Variants in SMAP1 observed in about 807,000 individuals in gnomAD.
SMAP1 encodes small ArfGAP 1.
In SMAP1, 24 loss-of-function variants were observed where a neutral mutation model predicts 58.5. The ratio of observed to expected loss-of-function variants is 0.41; its 90% CI spans 0.30 to 0.58. The LOEUF (loss-of-function observed/expected upper bound fraction) is 0.58, where lower values mean the gene tolerates loss of function less well. Ranked by LOEUF, SMAP1 falls within the 20% of genes least tolerant of loss-of-function variation. The pLI is 0.29. For missense variants in SMAP1, 563 were observed against 566.3 expected (o/e 0.99, Z 0.06); for synonymous variants, 216 against 196.6 (o/e 1.10, Z -0.82).
chr6:70,680,102 T>TCAACAACAACAACAACAACAACAACAA (rs140699249), intron 1 of SMAP1, among the ~76,000 whole-genome samples: 1 of 150,352 alleles, frequency 6.7e-6, no homozygotes, highest in African/African-American at 2.5e-5. Flanking sequence ...GATAGTCTTT[T>TCAACAACAACAACAACAACAACAACAA]CAACAACAAC....
intron 6 of SMAP1, among the ~76,000 whole-genome samples, chr6:70,800,329 C>T (rs371575155): frequency 8.5e-5 from 13 of 152,064 alleles, no homozygotes; most frequent in African/African-American, 3.1e-4. Flanking sequence ...AAACAAAAAT[C>T]TTCCTTTTCA....
chr6:70,690,187 A>G (rs1767099771), intron 1 of SMAP1, among the ~76,000 whole-genome samples: 1 of 152,222 alleles, frequency 6.6e-6, no homozygotes, highest in Admixed American at 6.5e-5. Context: ...GATACCTTTT[A>G]TCAAGTTGAG....
intron 8 of SMAP1, among the ~76,000 whole-genome samples, chr6:70,853,537 A>G (rs1034490026): frequency 2.6e-5 from 4 of 152,238 alleles, no homozygotes; most frequent in Non-Finnish European, 5.9e-5. Flanking sequence ...TTATAAGGCT[A>G]GGAACATATT....
intron 5 of SMAP1, among the ~76,000 whole-genome samples, chr6:70,797,904 T>C (rs901396441): frequency 6.6e-6 from 1 of 152,152 alleles, no homozygotes; most frequent in Non-Finnish European, 1.5e-5. Context: ...GCCTTACGAA[T>C]GCTCTTTGTT....
chr6:70,689,256 G>A (rs1262854578), intron 1 of SMAP1, among the ~76,000 whole-genome samples: 4 of 152,088 alleles, frequency 2.6e-5, no homozygotes, highest in African/African-American at 4.8e-5. Flanking sequence ...TGATCCACCC[G>A]CCTCAGCATC....
intron 8 of SMAP1, chr6:70,856,637 A>G (rs1771435041): frequency 2.7e-6 from 1 of 368,114 alleles, no homozygotes; most frequent in Admixed American, 4.4e-5. Context: ...AAAATGCTTC[A>G]GTCTACCTAC....
At chr6:70,834,554 G>A (rs989526253) in intron 6 of SMAP1, among the ~76,000 whole-genome samples, 17 of 152,112 alleles carry the variant, frequency 1.1e-4, no homozygotes, top group Non-Finnish European at 2.2e-4. Flanking sequence ...AATTAAAATA[G>A]GGATTAGACT....
At chr6:70,679,784 A>G (rs1382033871) in intron 1 of SMAP1, among the ~76,000 whole-genome samples, 1 of 152,212 alleles carries the variant, frequency 6.6e-6, no homozygotes, top group Non-Finnish European at 1.5e-5. Flanking sequence ...AGAAGACTCA[A>G]TATTTTTAAG....
chr6:70,850,494 G>A (rs1771144767), intron 7 of SMAP1, among the ~76,000 whole-genome samples: 1 of 151,658 alleles, frequency 6.6e-6, no homozygotes, highest in Non-Finnish European at 1.5e-5. Flanking sequence ...TAGAGGACAT[G>A]TGCTTCTATT....
intron 7 of SMAP1, among the ~76,000 whole-genome samples, chr6:70,849,979 A>AGG (rs1438710868): frequency 3.3e-5 from 5 of 152,210 alleles, no homozygotes; most frequent in Admixed American, 2.0e-4. Context: ...GTGATACTAA[A>AGG]GGGGGTTAAA....
At chr6:70,746,822 G>T (rs751402815) in intron 2 of SMAP1, among the ~76,000 whole-genome samples, 3 of 152,004 alleles carry the variant, frequency 2.0e-5, no homozygotes, top group Non-Finnish European at 2.9e-5. Flanking sequence ...TTGGTTGATA[G>T]GCTATTAATT....
intron 1 of SMAP1, among the ~76,000 whole-genome samples, chr6:70,703,374 A>G (rs1767714381): frequency 6.6e-6 from 1 of 152,170 alleles, no homozygotes; most frequent in African/African-American, 2.4e-5. Context: ...ACGCTCAGCC[A>G]GCATTTTTCA....
intron 6 of SMAP1, among the ~76,000 whole-genome samples, chr6:70,835,804 A>G (rs1003710858): frequency 2.6e-4 from 40 of 152,144 alleles, no homozygotes; most frequent in Non-Finnish European, 5.1e-4. Context: ...ACTGCACTCA[A>G]CTGAACGTTT....
intron 6 of SMAP1, among the ~76,000 whole-genome samples, chr6:70,831,647 T>A (rs1223975300): frequency 6.6e-6 from 1 of 152,160 alleles, no homozygotes; most frequent in Non-Finnish European, 1.5e-5. Flanking sequence ...TGTACCACAT[T>A]TTCTTTATCC....
intron 1 of SMAP1, among the ~76,000 whole-genome samples, chr6:70,698,649 T>G (rs1372427093): frequency 2.0e-5 from 3 of 152,228 alleles, no homozygotes; most frequent in African/African-American, 7.2e-5. Flanking sequence ...AATTATTTCT[T>G]CTGCTTGATC....
At chr6:70,799,543 T>G (rs1310306382) in intron 6 of SMAP1, among the ~76,000 whole-genome samples, 1 of 152,178 alleles carries the variant, frequency 6.6e-6, no homozygotes, top group Non-Finnish European at 1.5e-5. Flanking sequence ...AAGAGAATTG[T>G]CAGTAAAGGG....
chr6:70,827,908 A>G (rs1275172082), intron 6 of SMAP1, among the ~76,000 whole-genome samples: 1 of 152,220 alleles, frequency 6.6e-6, no homozygotes, highest in African/African-American at 2.4e-5. Context: ...TAAATTCAAA[A>G]AGAGTACTCT....
At chr6:70,849,302 T>G (rs1400926605) in intron 7 of SMAP1, among the ~76,000 whole-genome samples, 2 of 152,220 alleles carry the variant, frequency 1.3e-5, no homozygotes, top group African/African-American at 4.8e-5. Flanking sequence ...TCCCTCAGAC[T>G]TACTTTGTGA....
chr6:70,860,985 A>G lies in SMAP1; in HGVS notation c.*651A>G, dbSNP rs897337556. On this transcript the variant is annotated 3_prime_UTR_variant, in exon 11 of 11. Transcript: ENST00000370455. Reference sequence around the variant, plus strand: ...ATTTGGATCTCTTCTTAATGTACATAGTGCTAACATGAAGACCTTTTTCTG... The same window carrying G: ...ATTTGGATCTCTTCTTAATGTACATGGTGCTAACATGAAGACCTTTTTCTG... The G allele has an allele frequency of 6.2e-6, 2 of 324,656 alleles. No homozygotes were observed. Among genetic ancestry groups the G allele is most frequent in the Non-Finnish European group, 1.1e-5 (2 of 179,056 alleles). 20.1% of individuals were successfully genotyped at this position (324,656 alleles called of 1,614,324 possible).
Sources: allele counts gnomAD v4.1 joint callset (sites outside exome capture counted in the v4.1 genomes callset), GRCh38; gene constraint gnomAD v4.1.1; transcripts MANE v1.5; gene names NCBI Gene and HGNC (gene_info 2026-07-23, HGNC 2026-07-21).